The following CEP162 variants were observed in gnomAD, a reference collection of about 807,000 sequenced individuals.
CEP162 encodes the protein centrosomal protein of 162 kDa.
A neutral mutation model predicts 169.2 loss-of-function variants in CEP162; 141 were observed. The ratio of observed to expected loss-of-function variants is 0.83; its 90% CI spans 0.73 to 0.96. CEP162 has a LOEUF of 0.96. Among genes scored for constraint, CEP162 ranks in the 40% least tolerant of loss-of-function variants. The pLI is 0.00. For missense variants in CEP162, 1,600 were observed against 1,587.2 expected (o/e 1.01, Z -0.14); for synonymous variants, 540 against 526.4 (o/e 1.03, Z -0.35).
At chr6:84,210,950 C>CAAT (rs2099549172) in intron 6 of CEP162, among the ~76,000 whole-genome samples, 2 of 151,764 alleles carry the variant, frequency 1.3e-5, no homozygotes, top group South Asian at 4.2e-4. Flanking sequence ...AGACAAGGCT[C>CAAT]AATAATACTC....
intron 9 of CEP162, among the ~76,000 whole-genome samples, chr6:84,195,829 A>G (rs1279713373): frequency 6.6e-6 from 1 of 152,182 alleles, no homozygotes; most frequent in Non-Finnish European, 1.5e-5. Context: ...AACTTCATGA[A>G]GACTTTTAGC....
At position 84,125,148 on chromosome 6, in the gene CEP162, A is replaced by G. The variant is rs148778724; in HGVS notation, c.4134T>C (p.Asp1378=). The G allele has an allele frequency of 3.7e-6, 6 of 1,613,458 alleles. No individual in the cohort carries two copies. Among genetic ancestry groups the G allele is most frequent in the Non-Finnish European group, 5.1e-6 (6 of 1,179,674 alleles). The stretch of plus-strand genomic sequence containing the variant: ...CTTGCCGGTGCAGCTCTCGGAGAAC[A>G]TCTAATATTGAGTCTAGTTCTGTGC... ...KFRTELDSIL[D]VLRELHRQGV... is the part of the protein sequence containing the mutation. The change falls in exon 27 of 27, where the codon GAT becomes GAC. Residue 1378 remains aspartate, a synonymous_variant. Transcript: ENST00000403245.
chr6:84,201,007 G>A (rs867807187), intron 8 of CEP162, 102 bp from the exon 9 acceptor site: 18 of 622,830 alleles, frequency 2.9e-5, no homozygotes, highest in Middle Eastern at 4.5e-4. Context: ...GGCCGGGCGC[G>A]GTGGCTCACG....
chr6:84,180,142 C>T (rs1203813551), intron 13 of CEP162, among the ~76,000 whole-genome samples: 1 of 152,158 alleles, frequency 6.6e-6, no homozygotes, highest in South Asian at 2.1e-4. Context: ...AAAGCTTATC[C>T]ACCATGATCA....
intron 18 of CEP162, 26 bp downstream of exon 18, chr6:84,169,302 A>G (rs1257682026): frequency 3.2e-6 from 4 of 1,261,972 alleles, no homozygotes; most frequent in South Asian, 1.5e-5. Context: ...ATTATCCCTA[A>G]TAGTCAAAAT....
At chr6:84,166,101 A>G (rs1209858214) in intron 18 of CEP162, among the ~76,000 whole-genome samples, 1 of 152,242 alleles carries the variant, frequency 6.6e-6, no homozygotes, top group East Asian at 1.9e-4. Flanking sequence ...TTCCAGGGAC[A>G]GAGAATGCCT....
chr6:84,204,908 C>T (rs2099546152), intron 6 of CEP162, among the ~76,000 whole-genome samples: 1 of 152,180 alleles, frequency 6.6e-6, no homozygotes. Flanking sequence ...ACCGATCCCA[C>T]AGAAATACAA....
At chr6:84,201,000 C>T (rs1198295482) in intron 8 of CEP162, 95 bp from the exon 9 acceptor site, 16 of 721,544 alleles carry the variant, frequency 2.2e-5, no homozygotes, top group Non-Finnish European at 2.7e-5. Flanking sequence ...CAATGCAGGC[C>T]GGGCGCGGTG....
At chr6:84,148,083 C>A (rs1171885093) in intron 24 of CEP162, among the ~76,000 whole-genome samples, 2 of 152,100 alleles carry the variant, frequency 1.3e-5, no homozygotes, top group Non-Finnish European at 2.9e-5. Context: ...TGATAGAATG[C>A]TTATAGTTGC....
intron 25 of CEP162, among the ~76,000 whole-genome samples, chr6:84,138,747 T>C (rs549213390): frequency 2.6e-5 from 4 of 152,326 alleles, no homozygotes; most frequent in East Asian, 1.9e-4. Context: ...ACTGACTTCA[T>C]TATCTTGCAA....
At chr6:84,154,358 G>GTCTGTCTATCTATCTA (rs1554165787) in intron 22 of CEP162, among the ~76,000 whole-genome samples, 1 of 149,676 alleles carries the variant, frequency 6.7e-6, no homozygotes, top group African/African-American at 2.5e-5. Flanking sequence ...CTGTCTGTCT[G>GTCTGTCTATCTATCTA]TCTATCTATC....
At position 84,146,686 on chromosome 6, in the gene CEP162, CCT is replaced by C. The variant is rs1227874501; in HGVS notation, c.3869_3870del (p.Glu1290AspfsTer30). 9.9e-6 allele frequency: 15 copies of C among 1,510,926 alleles called. No homozygotes were observed. Among genetic ancestry groups the C allele is most frequent in the Non-Finnish European group, 1.4e-5 (15 of 1,110,274 alleles). 93.6% of individuals were successfully genotyped at this position (1,510,926 alleles called of 1,614,324 possible). A position where few individuals can be genotyped will look rare whatever the true frequency, so the allele number is the denominator to read the frequency against. On this transcript the variant is annotated frameshift_variant and splice_region_variant, in exon 25 of 27. Transcript: ENST00000403245. LOFTEE classifies it high-confidence loss of function. ...SEVREEILQK[E>X]ITKLLEELRE... ...AGCCCAATATTTTGGCCATTTCTTA[CCT>C]CTTTCTGTAGAATTTCTTCTCGAAC... is the stretch of plus-strand genomic sequence containing the variant.
intron 25 of CEP162, among the ~76,000 whole-genome samples, chr6:84,128,602 G>C (rs963753911): frequency 2.0e-5 from 3 of 151,952 alleles, no homozygotes; most frequent in African/African-American, 7.3e-5. Context: ...TCTAAAATGG[G>C]AATAATAGTA....
At chr6:84,134,158 G>A (rs749728084) in intron 25 of CEP162, among the ~76,000 whole-genome samples, 1 of 152,200 alleles carries the variant, frequency 6.6e-6, no homozygotes, top group Non-Finnish European at 1.5e-5. Context: ...TTTATGCTAT[G>A]AGGGGAAAAC....
chr6:84,154,358 G>GTCTGTCTATCTATCTATCTA (rs1554165787), intron 22 of CEP162, among the ~76,000 whole-genome samples: 1 of 149,776 alleles, frequency 6.7e-6, no homozygotes, highest in African/African-American at 2.5e-5. Flanking sequence ...CTGTCTGTCT[G>GTCTGTCTATCTATCTATCTA]TCTATCTATC....
At chr6:84,141,172 C>T (rs1233316168) in intron 25 of CEP162, among the ~76,000 whole-genome samples, 1 of 152,044 alleles carries the variant, frequency 6.6e-6, no homozygotes, top group Non-Finnish European at 1.5e-5. Context: ...TGGTTTGTGG[C>T]CCAGGGTTGG....
chr6:84,194,074 G>C (rs1331978664), intron 10 of CEP162, among the ~76,000 whole-genome samples: 1 of 152,074 alleles, frequency 6.6e-6, no homozygotes, highest in Non-Finnish European at 1.5e-5. Flanking sequence ...AAGAAACTGG[G>C]CCAGGCGCAG....
chr6:84,221,970 C>G (rs760587430), intron 2 of CEP162, among the ~76,000 whole-genome samples: 2 of 151,994 alleles, frequency 1.3e-5, no homozygotes, highest in Non-Finnish European at 2.9e-5. Context: ...TGATTATACA[C>G]CTGCTCAGCA....
At chr6:84,224,479 T>G (rs1218266924) in intron 2 of CEP162, among the ~76,000 whole-genome samples, 2 of 152,202 alleles carry the variant, frequency 1.3e-5, no homozygotes, top group Admixed American at 1.3e-4. Context: ...GATGGTTACA[T>G]AACTCTGAAA....
Sources: gnomAD v4.1 joint callset for allele counts (sites outside exome capture counted in the v4.1 genomes callset) on GRCh38, gnomAD v4.1.1 for gene constraint, MANE v1.5 for transcripts, NCBI Gene and HGNC (gene_info 2026-07-23, HGNC 2026-07-21) for gene names.